The following IGLON5 variants were observed in gnomAD, a reference collection of about 807,000 sequenced individuals.
The protein encoded by IGLON5 is Ig-like domain-containing protein ENSP00000270642.
Under a neutral mutation model 38.2 loss-of-function variants are expected in IGLON5, and 16 were observed. The ratio of observed to expected loss-of-function variants is 0.42; its 90% CI spans 0.28 to 0.64. IGLON5 has a LOEUF of 0.64. IGLON5 is among the 30% of genes least tolerant of loss of function. The pLI, the probability that IGLON5 is intolerant of heterozygous loss-of-function variation, is 0.23. For synonymous variants in IGLON5, 207 were observed against 216.4 expected, an observed-to-expected ratio of 0.96 and a Z score of 0.38; for missense variants, 366 against 483.4, an observed-to-expected ratio of 0.76 and a Z score of 2.28.
chr19:51,326,938 C>T (rs1383516782), intron 5 of IGLON5, 40 bp downstream of exon 5: 1 of 1,572,388 alleles, frequency 6.4e-7, no homozygotes, highest in African/African-American at 1.3e-5. Flanking sequence ...GGTGGCGGAC[C>T]CCCGAGTCCC....
intron 1 of IGLON5, among the ~76,000 whole-genome samples, chr19:51,315,091 A>G (rs149030462): frequency 4.3e-4 from 66 of 152,292 alleles, no homozygotes; most frequent in African/African-American, 1.4e-3. Context: ...TCTATCTTCA[A>G]TTCTTTTCTA....
At chr19:51,312,404 C>G (rs1984790177) in intron 1 of IGLON5, among the ~76,000 whole-genome samples, 1 of 151,960 alleles carries the variant, frequency 6.6e-6, no homozygotes, top group Non-Finnish European at 1.5e-5. Flanking sequence ...GTAGTCATCT[C>G]GGGACAGAGG....
In IGLON5 at chr19:51,327,033, C is replaced by T; in HGVS notation, c.647-47C>T. ...GCGGGGGCTGGGGGCGGGACCCCTT[C>T]GTCCCCACGCGGCTAGGAGAATTCG... On this transcript the variant is annotated intron_variant, in intron 5 of 7. Transcript: ENST00000270642. The surrounding 1 kb of genome is among the most constrained non-coding windows in gnomAD (Gnocchi z 7.1). The T allele has an allele frequency of 6.3e-7, 1 of 1,598,588 alleles. No individual in the cohort carries two copies. Among genetic ancestry groups the T allele is most frequent in the Non-Finnish European group, 8.5e-7 (1 of 1,173,614 alleles).
In IGLON5 at chr19:51,322,424, AT is replaced by A. The variant is rs1279679767; in HGVS notation, c.158+283del. 8.3e-4 allele frequency among the ~76,000 whole-genome samples: 121 copies of A among 145,504 alleles called. 1 individual carries two copies. Among genetic ancestry groups the A allele is most frequent in the African/African-American group, 3.2e-3 (115 of 35,798 alleles). Reference sequence around the variant, plus strand: ...GAGACCCAGAGAGAAGGGGACAGAGATCCAGAGAGAAGGGGACAGAGATCCA... The same window carrying A: ...GAGACCCAGAGAGAAGGGGACAGAGACCAGAGAGAAGGGGACAGAGATCCA... On this transcript the variant is annotated intron_variant, in intron 2 of 7. Coordinates refer to ENST00000270642, the MANE Select transcript of IGLON5 (RefSeq NM_001101372.3).
intron 7 of IGLON5, among the ~76,000 whole-genome samples, 166 bp from the exon 8 acceptor site, chr19:51,328,505 G>GAAAAAAAAA (rs61422289): frequency 9.0e-6 from 1 of 111,144 alleles, no homozygotes; most frequent in Non-Finnish European, 2.0e-5. Context: ...CTCAAAAAAA[G>GAAAAAAAAA]AAAAAAAAAA....
Position 51,323,814 on chromosome 19 carries a change from T to C in IGLON5, c.311T>C (p.Leu104Pro). Reference sequence around the variant, plus strand: ...TCCATCCTCATCACCGAGGTGGGGCTCGGCGACGAGGGCCTCTACACCTGC... The same window carrying C: ...TCCATCCTCATCACCGAGGTGGGGCCCGGCGACGAGGGCCTCTACACCTGC... ...EFSILITEVG[L>P]GDEGLYTCSF... Residue 104 changes from leucine to proline, a missense_variant, in exon 3 of 8, where the codon CTC (leucine) becomes CCC (proline). Physicochemically the swap from Leu to Pro is moderately conservative, Grantham distance 98 (BLOSUM62 -3). Coordinates refer to ENST00000270642, the MANE Select transcript of IGLON5 (RefSeq NM_001101372.3). 6.2e-7 allele frequency: 1 copy of C among 1,613,324 alleles called. No homozygotes were observed. Among genetic ancestry groups the C allele is most frequent in the Non-Finnish European group, 8.5e-7 (1 of 1,179,610 alleles).
At position 51,327,875 on chromosome 19, in the gene IGLON5, T is replaced by G. The variant is rs1250231008; in HGVS notation, c.911T>G (p.Met304Arg). ...ANRLGASSASMRLLRPGSLEN... is the reference protein window; with the variant it reads ...ANRLGASSASRRLLRPGSLEN... ...CGACTGGGAGCGTCCAGCGCCTCCA[T>G]GCGGCTCCTGCGTGCGTCTTCGGGC... The change falls in exon 7 of 8, where the codon ATG becomes AGG. Residue 304 changes from methionine (M) to arginine (R), a missense_variant. Physicochemically the swap from Met to Arg is moderately conservative, Grantham distance 91. Transcript: ENST00000270642. The surrounding 1 kb of genome is among the most constrained non-coding windows in gnomAD (Gnocchi z 7.1). The G allele has an allele frequency of 5.0e-6, 7 of 1,396,804 alleles. No homozygotes were observed. Among genetic ancestry groups the G allele is most frequent in the Non-Finnish European group, 4.7e-6 (5 of 1,056,654 alleles). 86.5% of individuals were successfully genotyped at this position (1,396,804 alleles called of 1,614,324 possible).
Position 51,326,897 on chromosome 19 carries a change from C to T in IGLON5, c.645C>T (p.Asn215=), listed in dbSNP as rs201914290. 5.2e-4 allele frequency: 814 copies of T among 1,569,348 alleles called. 6 individuals are homozygous for T. The African/African-American group carries it at 8.6e-3, about 17-fold the overall frequency. ...GCCGCCGCGTGCTGGTCACAGTCAA[C>T]TGTGAGCCCCCCTGGCACTGGGCAC... ...PDSRRVLVTV[N]YPPTITDVTS... Residue 215 remains asparagine, a splice_region_variant and synonymous_variant, in exon 5 of 8, where the codon AAC becomes AAT. Transcript: ENST00000270642.
chr19:51,313,637 C>CTCTCTCTCTTTTTCTTTCTTTCTT lies in IGLON5; in HGVS notation c.79+1715_79+1738dup, dbSNP rs1156629801. ...TCTTTCCTTCTTTCTCTTTTTCTCT[C>CTCTCTCTCTTTTTCTTTCTTTCTT]TCTCTCTCTTTTTCTTTCTTTCTTT... On this transcript the variant is annotated intron_variant, in intron 1 of 7. Coordinates refer to ENST00000270642, the MANE Select transcript of IGLON5 (RefSeq NM_001101372.3). 1.7e-3 allele frequency among the ~76,000 whole-genome samples: 191 copies of CTCTCTCTCTTTTTCTTTCTTTCTT among 110,140 alleles called. 5 individuals are homozygous for CTCTCTCTCTTTTTCTTTCTTTCTT. Among genetic ancestry groups the CTCTCTCTCTTTTTCTTTCTTTCTT allele is most frequent in the East Asian group, 0.017 (75 of 4,390 alleles). 72.3% of individuals were successfully genotyped at this position (110,140 alleles called of 152,430 possible). A position where few individuals can be genotyped will look rare whatever the true frequency, so the allele number is the denominator to read the frequency against.
At position 51,327,709 on chromosome 19, in the gene IGLON5, C is replaced by G; in HGVS notation, c.768-23C>G. ...GGCCTGGCTGGGCGCTGCGGCCCGG[C>G]CCCTGACCCGGATCCCTGGCAGGCT... On this transcript the variant is annotated intron_variant, in intron 6 of 7. Coordinates refer to ENST00000270642, the MANE Select transcript of IGLON5 (RefSeq NM_001101372.3). The surrounding 1 kb of genome is among the most constrained non-coding windows in gnomAD (Gnocchi z 7.1). The G allele has an allele frequency of 6.4e-7, 1 of 1,554,040 alleles. No individual in the cohort carries two copies. The highest frequency in any genetic ancestry group is 1.2e-5 in the South Asian group (1 of 84,640).
chr19:51,323,555 G>A (rs996050590), intron 2 of IGLON5, 107 bp from the exon 3 acceptor site: 56 of 877,074 alleles, frequency 6.4e-5, no homozygotes, highest in Admixed American at 7.1e-5. Flanking sequence ...CAGGGCTGTG[G>A]TGGGACCTGG....
rs1319883224 is a variant in IGLON5 at position 51,324,189 on chromosome 19, G to A, written c.391+295G>A. On this transcript the variant is annotated intron_variant, in intron 3 of 7. Transcript: ENST00000270642. This position sits in a 1 kb window ranked among gnomAD's most constrained non-coding sequence, Gnocchi z 4.2. Reference sequence around the variant, plus strand: ...GGAGGGCCTACTCTGTGTAAGCATTGATCTACAGAACAAGGCAGGCTGTCC... The same window carrying A: ...GGAGGGCCTACTCTGTGTAAGCATTAATCTACAGAACAAGGCAGGCTGTCC... 1.3e-5 allele frequency among the ~76,000 whole-genome samples: 2 copies of A among 152,182 alleles called. No individual in the cohort carries two copies. The highest frequency in any genetic ancestry group is 1.9e-4 in the East Asian group (1 of 5,202).
chr19:51,315,360 C>T (rs1461773114), intron 1 of IGLON5, among the ~76,000 whole-genome samples: 1 of 152,130 alleles, frequency 6.6e-6, no homozygotes, highest in African/African-American at 2.4e-5. Flanking sequence ...CCAGGTTCAT[C>T]TGGCTTGTGG....
rs1318366553 is a variant in IGLON5 at position 51,328,814 on chromosome 19, G to C, written c.*55G>C. 4 of 1,320,448 alleles carry C rather than the reference G, an allele frequency of 3.0e-6. No homozygotes were observed. The highest frequency in any genetic ancestry group is 4.1e-6 in the Non-Finnish European group (4 of 963,956). The allele number at this position is 1,320,448 out of a possible 1,614,324, so 81.8% of individuals were successfully genotyped here. ...GCAGGGGGCCTCAGGCCAAGAGTGA[G>C]AGAAACGGGGGAGCAAGAGCCGTGG... On this transcript the variant is annotated 3_prime_UTR_variant, in exon 8 of 8. Transcript: ENST00000270642.
rs1985235063 is a variant in IGLON5, at chr19:51,327,047, T to C, written c.647-33T>C. 1 of 1,601,816 alleles carries C rather than the reference T, an allele frequency of 6.2e-7. No individual in the cohort carries two copies. The highest frequency in any genetic ancestry group is 8.5e-7 in the Non-Finnish European group (1 of 1,174,280). On this transcript the variant is annotated intron_variant, in intron 5 of 7. Transcript: ENST00000270642. This position sits in a 1 kb window ranked among gnomAD's most constrained non-coding sequence, Gnocchi z 7.1. ...CGGGACCCCTTCGTCCCCACGCGGCTAGGAGAATTCGCTGACCCTTGCCCC... is the reference window on the plus strand; with the variant it reads ...CGGGACCCCTTCGTCCCCACGCGGCCAGGAGAATTCGCTGACCCTTGCCCC...
chr19:51,328,650 T>G, intron 7 of IGLON5, 21 bp from the exon 8 acceptor site: 7 of 1,518,160 alleles, frequency 4.6e-6, no homozygotes, highest in Non-Finnish European at 6.2e-6. Flanking sequence ...CCTCCCTCCA[T>G]GACCCCTTCT....
intron 4 of IGLON5, 89 bp from the exon 5 acceptor site, chr19:51,326,675 C>A: frequency 9.7e-7 from 1 of 1,025,706 alleles, no homozygotes; most frequent in South Asian, 1.7e-5. Flanking sequence ...CGTGCCCGCC[C>A]CGCTGATGTG....
chr19:51,326,571 C>G (rs1317962240), intron 4 of IGLON5, among the ~76,000 whole-genome samples, 193 bp from the exon 5 acceptor site: 2 of 151,942 alleles, frequency 1.3e-5, no homozygotes, highest in Non-Finnish European at 2.9e-5. Flanking sequence ...GACCTCACTC[C>G]TTCCCCCACC....
Position 51,327,824 on chromosome 19 carries a change from G to T in IGLON5, c.860G>T (p.Gly287Val). 3.9e-6 allele frequency: 6 copies of T among 1,552,226 alleles called. No homozygotes were observed. The highest frequency in any genetic ancestry group is 5.2e-6 in the Non-Finnish European group (6 of 1,149,178). Reference sequence around the variant, plus strand: ...GCCAACGTGAGCGCCCGGCATTACGGCAACTATACGTGTCGCGCCGCCAAC... The same window carrying T: ...GCCAACGTGAGCGCCCGGCATTACGTCAACTATACGTGTCGCGCCGCCAAC... Reference protein sequence around the residue: ...LFANVSARHYGNYTCRAANRL... With the variant: ...LFANVSARHYVNYTCRAANRL... The change falls in exon 7 of 8, where the codon GGC becomes GTC. Residue 287 changes from glycine (G) to valine (V), a missense_variant. Transcript: ENST00000270642. The surrounding 1 kb of genome is among the most constrained non-coding windows in gnomAD (Gnocchi z 7.1).
Sources: gnomAD v4.1 joint callset for allele counts (sites outside exome capture counted in the v4.1 genomes callset) on GRCh38, gnomAD v4.1.1 for gene constraint, Gnocchi (gnomAD v3.1) non-coding constraint, MANE v1.5 for transcripts, NCBI Gene and HGNC (gene_info 2026-07-23, HGNC 2026-07-21) for gene names.